Variants in SLC4A10 observed in about 807,000 individuals in gnomAD.
SLC4A10 encodes the protein solute carrier family 4 member 10, also known as sodium-driven chloride bicarbonate exchanger.
SLC4A10 carries 42 observed loss-of-function variants against 137.7 expected under a neutral mutation model. That is an observed-to-expected ratio of 0.30 (90% confidence interval 0.24 to 0.39). SLC4A10 has a LOEUF of 0.39. Among genes scored for constraint, SLC4A10 ranks in the 10% least tolerant of loss-of-function variants. The pLI is 1.00. For missense variants in SLC4A10, 925 were observed against 1,355.0 expected (o/e 0.68, Z 4.98); for synonymous variants, 474 against 464.1 (o/e 1.02, Z -0.27).
intron 11 of SLC4A10, among the ~76,000 whole-genome samples, chr2:161,900,594 A>G (rs371115172): frequency 1.3e-5 from 2 of 152,026 alleles, no homozygotes; most frequent in African/African-American, 4.8e-5. Context: ...TTGCAGCTCT[A>G]GCATTCATTA....
chr2:161,824,808 GA>G (rs2057904499), intron 3 of SLC4A10, among the ~76,000 whole-genome samples: 1 of 152,054 alleles, frequency 6.6e-6, no homozygotes, highest in South Asian at 2.1e-4. Context: ...TTAGAGAAAT[GA>G]AAAAGCGAAA....
In SLC4A10 at chr2:161,978,397, A is replaced by AAG. The variant is rs939897798; in HGVS notation, c.*26+638_*26+639insGA. On this transcript the variant is annotated intron_variant, in intron 26 of 26. Coordinates refer to ENST00000446997, the MANE Select transcript of SLC4A10 (RefSeq NM_001178015.2). ...GAGAGACTCTGTCAAAAAAAAAAAAAAAAAGAAAAGAAAAAGAAAAAGAAA... is the reference window on the plus strand; with the variant it reads ...GAGAGACTCTGTCAAAAAAAAAAAAAAGAAAAGAAAAGAAAAAGAAAAAGAAA... Among the ~76,000 whole-genome samples, 4 of 150,388 alleles carry AAG rather than the reference A, an allele frequency of 2.7e-5. No homozygotes were observed. In the East Asian group the frequency reaches 7.8e-4, roughly 29 times the overall value.
chr2:161,716,312 G>T (rs527327912), intron 1 of SLC4A10, among the ~76,000 whole-genome samples: 2 of 152,024 alleles, frequency 1.3e-5, no homozygotes, highest in Admixed American at 6.6e-5. Flanking sequence ...TTCTTTTGCT[G>T]TGCAGAAGTT....
intron 1 of SLC4A10, among the ~76,000 whole-genome samples, chr2:161,683,642 T>G (rs1234602014): frequency 6.6e-6 from 1 of 152,208 alleles, no homozygotes; most frequent in African/African-American, 2.4e-5. Flanking sequence ...TTTTATGCTT[T>G]TAGGTACTTT....
intron 15 of SLC4A10, chr2:161,931,279 G>A (rs2105629995): frequency 6.6e-6 from 1 of 152,490 alleles, no homozygotes; most frequent in East Asian, 1.9e-4. Context: ...TCAAAGACAG[G>A]ACTCTGGCCT....
chr2:161,695,036 A>G (rs2042351846), intron 1 of SLC4A10, among the ~76,000 whole-genome samples: 1 of 152,072 alleles, frequency 6.6e-6, no homozygotes. Context: ...CTAAGCAAAA[A>G]TATTTGTATA....
intron 21 of SLC4A10, among the ~76,000 whole-genome samples, chr2:161,958,873 C>A (rs1696126370): frequency 6.6e-6 from 1 of 152,122 alleles, no homozygotes; most frequent in African/African-American, 2.4e-5. Flanking sequence ...ACACTTTAAT[C>A]ATGTGTATGG....
chr2:161,750,736 T>C (rs887859788), intron 1 of SLC4A10, among the ~76,000 whole-genome samples: 1 of 151,836 alleles, frequency 6.6e-6, no homozygotes, highest in African/African-American at 2.4e-5. Context: ...TATATGTCTA[T>C]TGAGTTCATT....
chr2:161,819,638 G>A (rs1003783639), intron 3 of SLC4A10, among the ~76,000 whole-genome samples: 5 of 151,932 alleles, frequency 3.3e-5, no homozygotes, highest in African/African-American at 7.3e-5. Context: ...GGGATTACAG[G>A]CACCTGCCAC....
At chr2:161,944,940 A>T (rs1241786597) in intron 16 of SLC4A10, among the ~76,000 whole-genome samples, 1 of 151,178 alleles carries the variant, frequency 6.6e-6, no homozygotes, top group Non-Finnish European at 1.5e-5. Context: ...TTTACATATT[A>T]TTTGTTTGGC....
chr2:161,936,541 AT>A (rs1234525196), intron 15 of SLC4A10, among the ~76,000 whole-genome samples: 3 of 151,754 alleles, frequency 2.0e-5, no homozygotes, highest in East Asian at 1.9e-4. Flanking sequence ...GAATTTATCC[AT>A]TTTTTTCTAG....
chr2:161,745,457 A>G (rs1385169178), intron 1 of SLC4A10, among the ~76,000 whole-genome samples: 2 of 152,072 alleles, frequency 1.3e-5, no homozygotes, highest in Non-Finnish European at 2.9e-5. Context: ...AGGATTCTGA[A>G]TTCCTTCTCT....
intron 3 of SLC4A10, among the ~76,000 whole-genome samples, chr2:161,827,547 C>A (rs1057113201): frequency 6.6e-6 from 1 of 151,490 alleles, no homozygotes; most frequent in Non-Finnish European, 1.5e-5. Flanking sequence ...CTAATATAAT[C>A]ATCAGTAATA....
intron 2 of SLC4A10, among the ~76,000 whole-genome samples, chr2:161,793,811 T>C (rs1377522489): frequency 6.6e-6 from 1 of 152,154 alleles, no homozygotes; most frequent in Non-Finnish European, 1.5e-5. Flanking sequence ...ATTTGTAATA[T>C]GAAAATATGG....
intron 2 of SLC4A10, among the ~76,000 whole-genome samples, chr2:161,792,524 A>G (rs1331921172): frequency 6.6e-6 from 1 of 152,138 alleles, no homozygotes; most frequent in African/African-American, 2.4e-5. Context: ...AGTGAAGGAG[A>G]TCAACTTAGT....
chr2:161,712,119 T>C (rs2044357420), intron 1 of SLC4A10, among the ~76,000 whole-genome samples: 1 of 151,820 alleles, frequency 6.6e-6, no homozygotes, highest in African/African-American at 2.4e-5. Context: ...GTTATAAAAA[T>C]GCAAACAAAG....
chr2:161,838,343 A>G (rs1488163276), intron 3 of SLC4A10, among the ~76,000 whole-genome samples: 1 of 152,200 alleles, frequency 6.6e-6, no homozygotes, highest in Admixed American at 6.5e-5. Flanking sequence ...AAAATGGACC[A>G]TAGCTTCAAG....
intron 1 of SLC4A10, among the ~76,000 whole-genome samples, chr2:161,696,083 G>A (rs2042467423): frequency 6.7e-6 from 1 of 149,530 alleles, no homozygotes; most frequent in South Asian, 2.1e-4. Context: ...CCCACGACAG[G>A]CCCCGTGTGT....
intron 12 of SLC4A10, among the ~76,000 whole-genome samples, chr2:161,903,794 A>C (rs1363642629): frequency 6.6e-6 from 1 of 152,126 alleles, no homozygotes; most frequent in East Asian, 1.9e-4. Context: ...TTGGTGGTTG[A>C]CACGATATTG....
Sources: allele counts gnomAD v4.1 joint callset (sites outside exome capture counted in the v4.1 genomes callset), GRCh38; gene constraint gnomAD v4.1.1; transcripts MANE v1.5; gene names NCBI Gene and HGNC (gene_info 2026-07-23, HGNC 2026-07-21).